The following MCRIP2 variants were observed in gnomAD, a reference collection of about 807,000 sequenced individuals.
MCRIP2 encodes the protein MAPK regulated co-repressor interacting protein 2.
In MCRIP2, 21 loss-of-function variants were observed where a neutral mutation model predicts 23.2. The ratio of observed to expected loss-of-function variants is 0.90; its 90% CI spans 0.64 to 1.30. MCRIP2 has a LOEUF of 1.30. Ranked by LOEUF, MCRIP2 falls within the 50% of genes most tolerant of loss-of-function variation. The pLI is 0.00. For synonymous variants in MCRIP2, 121 were observed against 100.2 expected, an observed-to-expected ratio of 1.21 and a Z score of -1.24; for missense variants, 234 against 223.2, an observed-to-expected ratio of 1.05 and a Z score of -0.31.
chr16:644,476 C>T (rs997034644), intron 2 of MCRIP2, among the ~76,000 whole-genome samples: 2 of 152,116 alleles, frequency 1.3e-5, no homozygotes, highest in African/African-American at 4.8e-5. Context: ...CAAGGTCTTG[C>T]TCTGTCACCC....
intron 4 of MCRIP2, 94 bp from the exon 5 acceptor site, chr16:648,026 C>G: frequency 7.5e-7 from 1 of 1,336,680 alleles, no homozygotes; most frequent in East Asian, 2.4e-5. Flanking sequence ...CTGCCGCACT[C>G]GGAGTCCGGG....
Position 642,267 on chromosome 16 carries a change from C to CCGGCCCGGCA in MCRIP2, c.182+27_182+28insACGGCCCGGC. On this transcript the variant is annotated intron_variant, in intron 2 of 4. Coordinates refer to ENST00000307650, the MANE Select transcript of MCRIP2 (RefSeq NM_138418.4). ...CTGTCGAGGTGAGACGCGCGCGGCC[C>CCGGCCCGGCA]CGGCCCGGCCCGGCCCGGCTTCCCC... 8.7e-7 allele frequency: 1 copy of CCGGCCCGGCA among 1,155,302 alleles called. No homozygotes were observed. Among genetic ancestry groups the CCGGCCCGGCA allele is most frequent in the Non-Finnish European group, 1.1e-6 (1 of 939,460 alleles). The allele number at this position is 1,155,302 out of a possible 1,614,324, so 71.6% of individuals were successfully genotyped here.
Position 641,890 on chromosome 16 carries a change from G to GGCCCGCCCCCTCCCCGCGGC in MCRIP2, c.-95_-76dup, listed in dbSNP as rs2037345301. 1 of 1,077,922 alleles carries GGCCCGCCCCCTCCCCGCGGC rather than the reference G, an allele frequency of 9.3e-7. No individual in the cohort carries two copies. Among genetic ancestry groups the GGCCCGCCCCCTCCCCGCGGC allele is most frequent in the African/African-American group, 1.7e-5 (1 of 60,500 alleles). 66.8% of individuals were successfully genotyped at this position (1,077,922 alleles called of 1,614,324 possible). On this transcript the variant is annotated 5_prime_UTR_variant, in exon 1 of 5. Transcript: ENST00000307650. ...CTTTAAGGGCCGGGGGCGTGTAGCG[G>GGCCCGCCCCCTCCCCGCGGC]GCCCGCCCCCTCCCCGCGGCGCCCG...
chr16:644,186 A>G lies in MCRIP2; in HGVS notation c.182+1937A>G, dbSNP rs148043699. Among the ~76,000 whole-genome samples, 298 of 152,188 alleles carry G rather than the reference A, an allele frequency of 2.0e-3. 3 individuals carry two copies. In the East Asian group the frequency reaches 0.053, roughly 27 times the overall value. On this transcript the variant is annotated intron_variant, in intron 2 of 4. Coordinates refer to ENST00000307650, the MANE Select transcript of MCRIP2 (RefSeq NM_138418.4). Reference sequence around the variant, plus strand: ...AACCTCTGCCTCCTGGGTTCAAGCGATCCTCCTGCCTCAGCCTCCCGAATA... The same window carrying G: ...AACCTCTGCCTCCTGGGTTCAAGCGGTCCTCCTGCCTCAGCCTCCCGAATA...
Position 642,062 on chromosome 16 carries a change from A to C in MCRIP2, c.52+19A>C, listed in dbSNP as rs2037354493. 9.1e-6 allele frequency: 12 copies of C among 1,315,828 alleles called. No homozygotes were observed. The highest frequency in any genetic ancestry group is 3.1e-5 in the African/African-American group (2 of 64,438). The allele number at this position is 1,315,828 out of a possible 1,614,324, so 81.5% of individuals were successfully genotyped here. On this transcript the variant is annotated intron_variant, in intron 1 of 4. Coordinates refer to ENST00000307650, the MANE Select transcript of MCRIP2 (RefSeq NM_138418.4). ...CGCACAGGTGCGCACGGGCCGGGGAACGGGAACGGGGACGGGGCGGGGCGC... is the reference window on the plus strand; with the variant it reads ...CGCACAGGTGCGCACGGGCCGGGGACCGGGAACGGGGACGGGGCGGGGCGC...
intron 2 of MCRIP2, chr16:647,189 C>T (rs1025964378): frequency 3.2e-5 from 19 of 600,042 alleles, no homozygotes; most frequent in Admixed American, 1.2e-4. Flanking sequence ...ACTCACTTCC[C>T]TCAGGACACA....
Position 647,242 on chromosome 16 carries a change from C to CA in MCRIP2, c.183-173dup, listed in dbSNP as rs2151105408. On this transcript the variant is annotated intron_variant, in intron 2 of 4. Transcript: ENST00000307650. ...TGAGCTGCCGATGGCTTGGGGACTG[C>CA]AAGAGAGGCCTGGGCCACCGGCTGC... The CA allele has an allele frequency of 5.1e-6, 4 of 790,698 alleles. No homozygotes were observed. The Admixed American group carries it at 1.1e-4, about 21-fold the overall frequency. 49.0% of individuals were successfully genotyped at this position (790,698 alleles called of 1,614,324 possible). A position where few individuals can be genotyped will look rare whatever the true frequency, so the allele number is the denominator to read the frequency against.
chr16:647,333 G>C, intron 2 of MCRIP2, 84 bp from the exon 3 acceptor site: 1 of 1,572,384 alleles, frequency 6.4e-7, no homozygotes, highest in South Asian at 1.1e-5. Flanking sequence ...AAAGTGGGCT[G>C]GCCCGGGGCT....
intron 2 of MCRIP2, among the ~76,000 whole-genome samples, chr16:643,754 G>A (rs1390262360): frequency 3.9e-5 from 6 of 151,998 alleles, no homozygotes; most frequent in Non-Finnish European, 7.4e-5. Context: ...GGATGGGCTC[G>A]ATCTCCTGAC....
At chr16:647,131 G>A (rs576739376) in intron 2 of MCRIP2, 15 of 460,790 alleles carry the variant, frequency 3.3e-5, no homozygotes, top group African/African-American at 1.2e-4. Context: ...AGTGGGGCCC[G>A]ACCAAAGGTT....
intron 2 of MCRIP2, chr16:647,196 C>T: frequency 3.3e-6 from 2 of 606,008 alleles, no homozygotes; most frequent in Non-Finnish European, 5.8e-6. Flanking sequence ...TCCCTCAGGA[C>T]ACAGGGCTGC....
In MCRIP2 at chr16:641,921, C is replaced by G. The variant is rs1030503125; in HGVS notation, c.-71C>G. ...CCCCCTCCCCGCGGCGCCCGCAGTC[C>G]GTTAAGTGCGAGCCCCGGCGCAGGG... On this transcript the variant is annotated 5_prime_UTR_variant, in exon 1 of 5. Transcript: ENST00000307650. 42 of 1,241,548 alleles carry G rather than the reference C, an allele frequency of 3.4e-5. No individual in the cohort carries two copies. The highest frequency in any genetic ancestry group is 4.2e-5 in the Non-Finnish European group (41 of 986,844). 76.9% of individuals were successfully genotyped at this position (1,241,548 alleles called of 1,614,324 possible).
At chr16:645,421 A>G (rs961598993) in intron 2 of MCRIP2, 1 of 151,396 alleles carries the variant, frequency 6.6e-6, no homozygotes, top group Admixed American at 6.6e-5. Context: ...ATGCCCGGCT[A>G]ATTTTTAGTA....
chr16:644,737 G>C (rs2037434903), intron 2 of MCRIP2, among the ~76,000 whole-genome samples: 1 of 151,918 alleles, frequency 6.6e-6, no homozygotes, highest in Non-Finnish European at 1.5e-5. Flanking sequence ...ACCGCGCCCG[G>C]CCCTGCCCTG....
intron 2 of MCRIP2, chr16:647,120 G>T: frequency 2.3e-6 from 1 of 441,454 alleles, no homozygotes; most frequent in Non-Finnish European, 4.1e-6. Context: ...GAGGGGTACT[G>T]AGTGGGGCCC....
rs201674451 is a variant in MCRIP2, at chr16:648,218, C to T, written c.*28C>T. 455 of 1,591,868 alleles carry T rather than the reference C, an allele frequency of 2.9e-4. No homozygotes were observed. The highest frequency in any genetic ancestry group is 2.4e-4 in the Non-Finnish European group (279 of 1,168,690). On this transcript the variant is annotated 3_prime_UTR_variant, in exon 5 of 5. Transcript: ENST00000307650. ...GCTGCTGGGAGGGGGCGCTGCTACA[C>T]GGCCGACCTGTCGCCAGGAGAGAAG...
In MCRIP2 at chr16:647,516, C is replaced by T. The variant is rs757815109; in HGVS notation, c.282C>T (p.His94=). Residue 94 remains histidine (H), a synonymous_variant, in exon 3 of 5, where the codon CAC becomes CAT. Coordinates refer to ENST00000307650, the MANE Select transcript of MCRIP2 (RefSeq NM_138418.4). ...CCCAGGAGACCTACACAGTGGCCCA[C>T]GAGGAGAATGTCCGCTTTGTGTCCG... ...EGTQETYTVA[H]EENVRFVSEA... 8.4e-5 allele frequency: 136 copies of T among 1,613,240 alleles called. No individual in the cohort carries two copies. Among genetic ancestry groups the T allele is most frequent in the Admixed American group, 3.5e-4 (21 of 59,998 alleles).
chr16:647,424 CCAAGGCTTGTGTT>C lies in MCRIP2; in HGVS notation c.194_206del (p.Arg65IlefsTer3). On this transcript the variant is annotated frameshift_variant, in exon 3 of 5. Coordinates refer to ENST00000307650, the MANE Select transcript of MCRIP2 (RefSeq NM_138418.4). LOFTEE classifies it high-confidence loss of function. Reference sequence around the variant, plus strand: ...TCTCCTCCCTTCCTGCAGTCCAGGGCCAAGGCTTGTGTTCAATCGTGTGAATGGCCGGCGGGCC... The same window carrying C: ...TCTCCTCCCTTCCTGCAGTCCAGGGCCAATCGTGTGAATGGCCGGCGGGCC... 6.2e-7 allele frequency: 1 copy of C among 1,613,476 alleles called. No individual in the cohort carries two copies. The highest frequency in any genetic ancestry group is 8.5e-7 in the Non-Finnish European group (1 of 1,179,968).
At chr16:647,279 G>C (rs1259879906) in intron 2 of MCRIP2, 138 bp from the exon 3 acceptor site, 1 of 1,255,724 alleles carries the variant, frequency 8.0e-7, no homozygotes, top group Non-Finnish European at 1.1e-6. Context: ...GTGGGTGGCT[G>C]CTCTCTCTGG....
Sources: gnomAD v4.1 joint callset for allele counts (sites outside exome capture counted in the v4.1 genomes callset) on GRCh38, gnomAD v4.1.1 for gene constraint, MANE v1.5 for transcripts, NCBI Gene and HGNC (gene_info 2026-07-23, HGNC 2026-07-21) for gene names.